Variants in NUCB2 observed in about 807,000 individuals in gnomAD.
The protein encoded by NUCB2 is nucleobindin 2.
In NUCB2, 48 loss-of-function variants were observed where a neutral mutation model predicts 57.9. The observed-to-expected ratio is 0.83, with a 90% CI of 0.66 to 1.05. The LOEUF (loss-of-function observed/expected upper bound fraction) is 1.05. NUCB2 is among the 50% of genes least tolerant of loss of function. NUCB2 has a pLI of 0.00. For synonymous variants in NUCB2, 139 were observed against 152.1 expected (o/e 0.91, Z 0.64); for missense variants, 442 against 476.2 (o/e 0.93, Z 0.67).
intron 11 of NUCB2, among the ~76,000 whole-genome samples, chr11:17,317,120 A>G (rs778379787): frequency 6.6e-6 from 1 of 152,210 alleles, no homozygotes; most frequent in Admixed American, 6.5e-5. Flanking sequence ...TAAAATTTTG[A>G]CATAATTTCA....
chr11:17,285,363 A>C (rs1369807655), intron 2 of NUCB2, among the ~76,000 whole-genome samples: 2 of 152,158 alleles, frequency 1.3e-5, no homozygotes, highest in African/African-American at 2.4e-5. Flanking sequence ...TCACGAGGTC[A>C]AGAGATCGAG....
At chr11:17,329,205 A>G (rs1051228855) in intron 11 of NUCB2, among the ~76,000 whole-genome samples, 1 of 152,094 alleles carries the variant, frequency 6.6e-6, no homozygotes, top group African/African-American at 2.4e-5. Flanking sequence ...TCCTTTCCTC[A>G]AGAAAGGAGT....
chr11:17,315,234 T>C, intron 10 of NUCB2, 152 bp from the exon 11 acceptor site: 2 of 481,170 alleles, frequency 4.2e-6, no homozygotes, highest in Non-Finnish European at 7.5e-6. Context: ...AGTGCTCTGT[T>C]TTTTATTTTT....
chr11:17,321,767 T>G (rs1221186852), intron 11 of NUCB2, among the ~76,000 whole-genome samples: 8 of 152,328 alleles, frequency 5.3e-5, no homozygotes, highest in Non-Finnish European at 1.2e-4. Context: ...CATTTGTTAT[T>G]GCCTGTCTTT....
intron 2 of NUCB2, among the ~76,000 whole-genome samples, chr11:17,338,241 T>C (rs1951965582): frequency 6.6e-6 from 1 of 152,168 alleles, no homozygotes; most frequent in African/African-American, 2.4e-5. Flanking sequence ...TCAAATTATG[T>C]AGACAAACAA....
In NUCB2 at chr11:17,309,618, A is replaced by G; in HGVS notation, c.426A>G (p.Leu142=). The G allele has an allele frequency of 1.2e-6, 2 of 1,607,160 alleles. No homozygotes were observed. Among genetic ancestry groups the G allele is most frequent in the Non-Finnish European group, 8.5e-7 (1 of 1,177,554 alleles). The part of the protein sequence containing the change: ...HQALLKQFDH[L]NHLNPDKFES... ...CTCTTCTAAAACAATTTGATCACCT[A>G]AACCACCTGAATCCTGACAAGTTTG... Residue 142 remains leucine, a synonymous_variant, in exon 6 of 14, where the codon CTA becomes CTG. Transcript: ENST00000529010.
chr11:17,306,944 A>T (rs1314641539), intron 5 of NUCB2, among the ~76,000 whole-genome samples: 1 of 151,838 alleles, frequency 6.6e-6, no homozygotes, highest in Non-Finnish European at 1.5e-5. Flanking sequence ...AAACAGTCTG[A>T]TGTAACTTTT....
At chr11:17,279,174 T>TA (rs1942012076) in intron 1 of NUCB2, among the ~76,000 whole-genome samples, 1 of 152,090 alleles carries the variant, frequency 6.6e-6, no homozygotes, top group Non-Finnish European at 1.5e-5. Flanking sequence ...CCTGGGCAAC[T>TA]AGAGTGAAAC....
chr11:17,340,505 C>A (rs1272035056), intron 2 of NUCB2, among the ~76,000 whole-genome samples: 1 of 152,006 alleles, frequency 6.6e-6, no homozygotes, highest in African/African-American at 2.4e-5. Flanking sequence ...AGTCTTTAAT[C>A]CATCTTGAAT....
At chr11:17,284,308 G>A (rs1270747195) in intron 2 of NUCB2, among the ~76,000 whole-genome samples, 2 of 152,042 alleles carry the variant, frequency 1.3e-5, no homozygotes, top group African/African-American at 4.8e-5. Context: ...GTGAGCCACC[G>A]TGCCCAGCCC....
intron 10 of NUCB2, 58 bp from the exon 11 acceptor site, chr11:17,315,328 G>T: frequency 1.1e-6 from 1 of 940,736 alleles, no homozygotes. Context: ...AGTTGATAGT[G>T]TCTAAATAAT....
At chr11:17,342,406 G>C (rs1005783548) in intron 2 of NUCB2, among the ~76,000 whole-genome samples, 24 of 151,958 alleles carry the variant, frequency 1.6e-4, no homozygotes, top group African/African-American at 5.6e-4. Context: ...TGTGATGTTA[G>C]GGTGTCAATT....
intron 1 of NUCB2, among the ~76,000 whole-genome samples, chr11:17,280,916 C>T (rs1384813389): frequency 6.6e-6 from 1 of 152,052 alleles, no homozygotes; most frequent in Non-Finnish European, 1.5e-5. Flanking sequence ...TGGTGCGTGC[C>T]TGTAGTTCCA....
chr11:17,297,663 A>C (rs1946045026), intron 4 of NUCB2, among the ~76,000 whole-genome samples: 1 of 152,236 alleles, frequency 6.6e-6, no homozygotes, highest in Admixed American at 6.5e-5. Context: ...TTCAGGCAAA[A>C]GAAGAAAATA....
chr11:17,312,227 T>C, intron 10 of NUCB2, 107 bp downstream of exon 10: 1 of 717,834 alleles, frequency 1.4e-6, no homozygotes, highest in Non-Finnish European at 2.2e-6. Context: ...AAATGGAGTT[T>C]GCGTTTTTGT....
At chr11:17,286,118 C>T (rs147761505) in intron 2 of NUCB2, among the ~76,000 whole-genome samples, 97 of 152,302 alleles carry the variant, frequency 6.4e-4, no homozygotes, top group African/African-American at 2.3e-3. Flanking sequence ...ACTGCAGCCT[C>T]AACCTGCTGG....
rs776633975 is a variant in NUCB2 at position 17,312,124 on chromosome 11, T to G, written c.912+4T>G. On this transcript the variant is annotated splice_donor_region_variant and intron_variant, in intron 10 of 13. Coordinates refer to ENST00000529010, the MANE Select transcript of NUCB2 (RefSeq NM_005013.4). ...GAGGGAACATGTAATGAATGAGGTA[T>G]GTTTTAAAAGTTTAAGATAATATGT... The G allele has an allele frequency of 5.2e-6, 7 of 1,356,746 alleles. No homozygotes were observed. Among genetic ancestry groups the G allele is most frequent in the Admixed American group, 2.0e-5 (1 of 48,906 alleles). The allele number at this position is 1,356,746 out of a possible 1,614,324, so 84.0% of individuals were successfully genotyped here.
At chr11:17,340,514 A>G (rs1358168188) in intron 2 of NUCB2, among the ~76,000 whole-genome samples, 2 of 152,136 alleles carry the variant, frequency 1.3e-5, no homozygotes, top group Non-Finnish European at 1.5e-5. Flanking sequence ...TCCATCTTGA[A>G]TTAATTTTTG....
At chr11:17,311,964 T>C in intron 9 of NUCB2, 34 bp downstream of exon 9, 7 of 1,543,632 alleles carry the variant, frequency 4.5e-6, no homozygotes, top group Non-Finnish European at 6.2e-6. Context: ...AGTGTTCTTG[T>C]TCTCTCTCTT....
Sources: allele counts gnomAD v4.1 joint callset (sites outside exome capture counted in the v4.1 genomes callset), GRCh38; gene constraint gnomAD v4.1.1; transcripts MANE v1.5; gene names NCBI Gene and HGNC (gene_info 2026-07-23, HGNC 2026-07-21).